Variants in IL34 observed in about 807,000 individuals in gnomAD.
IL34 encodes interleukin 34.
IL34 carries 17 observed loss-of-function variants against 25.3 expected under a neutral mutation model. That is an observed-to-expected ratio of 0.67 (90% confidence interval 0.46 to 1.01). The LOEUF is 1.01. IL34 is among the 50% of genes least tolerant of loss of function. IL34 has a pLI of 0.00. For missense variants in IL34, 368 were observed against 312.9 expected, an observed-to-expected ratio of 1.18 and a Z score of -1.33; for synonymous variants, 174 against 140.9, an observed-to-expected ratio of 1.23 and a Z score of -1.66.
intron 1 of IL34, among the ~76,000 whole-genome samples, chr16:70,601,591 G>C (rs1406641182): frequency 6.6e-6 from 1 of 152,022 alleles, no homozygotes; most frequent in Non-Finnish European, 1.5e-5. Context: ...GTAGAGACGG[G>C]GTTTTGCCAT....
intron 1 of IL34, among the ~76,000 whole-genome samples, chr16:70,605,871 C>T (rs1449188012): frequency 6.6e-6 from 1 of 151,110 alleles, no homozygotes; most frequent in Non-Finnish European, 1.5e-5. Flanking sequence ...GGGGTTTCAT[C>T]ATGTTGGCCA....
Position 70,659,773 on chromosome 16 carries a change from T to A in IL34, c.538+20T>A. On this transcript the variant is annotated intron_variant, in intron 5 of 5. Coordinates refer to ENST00000288098, the MANE Select transcript of IL34 (RefSeq NM_001393494.1). ...CCTGCTGTAAGGAGCTCTCAGGGGA[T>A]GGCGCCTGGGGGTGGGAGGCCAGGC... 6.3e-7 allele frequency: 1 copy of A among 1,583,580 alleles called. No homozygotes were observed.
intron 1 of IL34, among the ~76,000 whole-genome samples, chr16:70,605,960 C>T (rs1347986283): frequency 1.4e-5 from 2 of 146,922 alleles, no homozygotes; most frequent in Non-Finnish European, 3.0e-5. Flanking sequence ...GCGTGAGCCA[C>T]CGCACCTGGT....
intron 1 of IL34, among the ~76,000 whole-genome samples, chr16:70,626,394 G>C (rs553497545): frequency 6.6e-6 from 1 of 152,122 alleles, no homozygotes; most frequent in South Asian, 2.1e-4. Flanking sequence ...GGGTTTGTTT[G>C]TTTTTGTTTT....
chr16:70,586,596 G>A (rs1301901338), intron 1 of IL34, among the ~76,000 whole-genome samples: 1 of 152,100 alleles, frequency 6.6e-6, no homozygotes, highest in Admixed American at 6.6e-5. Context: ...CCACTCAGAG[G>A]AGCCTTAGTC....
At chr16:70,629,632 G>T (rs1320334962) in intron 1 of IL34, among the ~76,000 whole-genome samples, 1 of 151,790 alleles carries the variant, frequency 6.6e-6, no homozygotes, top group Admixed American at 6.6e-5. Flanking sequence ...TGTTTGGGGA[G>T]TAATGACAAG....
chr16:70,582,340 G>C (rs1375927674), intron 1 of IL34, among the ~76,000 whole-genome samples: 1 of 152,218 alleles, frequency 6.6e-6, no homozygotes, highest in African/African-American at 2.4e-5. Context: ...AGGGATCCTT[G>C]GACAGACTGG....
intron 1 of IL34, among the ~76,000 whole-genome samples, chr16:70,614,142 C>G (rs1419574964): frequency 6.6e-6 from 1 of 151,214 alleles, no homozygotes; most frequent in African/African-American, 2.4e-5. Context: ...TGTGATCATG[C>G]CCCTGCACTC....
chr16:70,635,518 G>T lies in IL34; in HGVS notation c.-400-11030G>T, dbSNP rs371532099. 3.9e-5 allele frequency among the ~76,000 whole-genome samples: 6 copies of T among 152,290 alleles called. No individual in the cohort carries two copies. The East Asian group carries it at 1.2e-3, about 29-fold the overall frequency. On this transcript the variant is annotated intron_variant, in intron 1 of 6. Transcript: ENST00000429149. Reference sequence around the variant, plus strand: ...GAGTCCCCTTGCTAGTCACAGGTCAGAGGTTGGAGGTCAGAGGTCAGAGGT... The same window carrying T: ...GAGTCCCCTTGCTAGTCACAGGTCATAGGTTGGAGGTCAGAGGTCAGAGGT...
intron 1 of IL34, among the ~76,000 whole-genome samples, chr16:70,634,697 T>C (rs980763838): frequency 4.0e-5 from 6 of 149,494 alleles, no homozygotes; most frequent in Non-Finnish European, 1.5e-5. Flanking sequence ...AAAAAAAAAA[T>C]TTCCAAAGTT....
chr16:70,627,455 C>T (rs1436068584), intron 1 of IL34, among the ~76,000 whole-genome samples: 1 of 142,700 alleles, frequency 7.0e-6, no homozygotes, highest in Non-Finnish European at 1.5e-5. Flanking sequence ...CTCCCCTCCC[C>T]CTCCTCCCCC....
At chr16:70,599,213 A>G (rs1234809023) in intron 1 of IL34, among the ~76,000 whole-genome samples, 2 of 152,030 alleles carry the variant, frequency 1.3e-5, no homozygotes, top group Non-Finnish European at 2.9e-5. Flanking sequence ...AAATGAGCAA[A>G]TAGGCCTTCT....
At chr16:70,596,003 C>T (rs1304270360) in intron 1 of IL34, among the ~76,000 whole-genome samples, 6 of 146,616 alleles carry the variant, frequency 4.1e-5, no homozygotes, top group African/African-American at 1.6e-4. Context: ...ACAGCGAGAC[C>T]CCGTCTCAAA....
upstream of IL34, among the ~76,000 whole-genome samples, chr16:70,646,147 C>T (rs958066530): frequency 6.6e-6 from 1 of 152,036 alleles, no homozygotes; most frequent in Non-Finnish European, 1.5e-5. Flanking sequence ...TGGGCTCACG[C>T]AATCCTCCCA....
chr16:70,605,355 A>G (rs1031188882), intron 1 of IL34, among the ~76,000 whole-genome samples: 1 of 152,168 alleles, frequency 6.6e-6, no homozygotes, highest in African/African-American at 2.4e-5. Flanking sequence ...TATTGTGGTA[A>G]ATACATACAT....
intron 1 of IL34, among the ~76,000 whole-genome samples, chr16:70,647,974 A>G (rs1307592450): frequency 6.6e-6 from 1 of 152,190 alleles, no homozygotes; most frequent in African/African-American, 2.4e-5. Context: ...CATGAGGCCC[A>G]TGTTCCAGGA....
intron 1 of IL34, among the ~76,000 whole-genome samples, chr16:70,652,361 G>A (rs921446440): frequency 2.0e-5 from 3 of 152,206 alleles, no homozygotes; most frequent in Non-Finnish European, 2.9e-5. Flanking sequence ...GGGAGGCTGA[G>A]GCAGGAGGAT....
intron 1 of IL34, among the ~76,000 whole-genome samples, chr16:70,592,994 TC>T (rs2050774536): frequency 6.6e-6 from 1 of 152,156 alleles, no homozygotes; most frequent in East Asian, 1.9e-4. Context: ...TTATTCTTTT[TC>T]TTTTTTTAAT....
chr16:70,628,933 A>T (rs1031000648), intron 1 of IL34, among the ~76,000 whole-genome samples: 1 of 151,886 alleles, frequency 6.6e-6, no homozygotes, highest in Non-Finnish European at 1.5e-5. Context: ...GACAGCAAGC[A>T]TGTACCATTG....
Sources: allele counts gnomAD v4.1 joint callset (sites outside exome capture counted in the v4.1 genomes callset), GRCh38; gene constraint gnomAD v4.1.1; transcripts MANE v1.5; gene names NCBI Gene and HGNC (gene_info 2026-07-23, HGNC 2026-07-21).